ALOXE3: variants seen among roughly 807,000 people sequenced by gnomAD.
ALOXE3 encodes hydroperoxide isomerase ALOXE3.
Under a neutral mutation model 87.5 loss-of-function variants are expected in ALOXE3, and 78 were observed. The ratio of observed to expected loss-of-function variants is 0.89; its 90% confidence interval spans 0.74 to 1.08. The LOEUF (loss-of-function observed/expected upper bound fraction) is 1.08, where lower values mean the gene tolerates loss of function less well. ALOXE3 is among the 50% of genes least tolerant of loss of function. ALOXE3 has a pLI of 0.00. For synonymous variants in ALOXE3, 363 were observed against 370.8 expected (o/e 0.98, Z 0.24); for missense variants, 946 against 912.4 (o/e 1.04, Z -0.47).
intron 5 of ALOXE3, 84 bp from the exon 6 acceptor site, chr17:8,114,693 T>C: frequency 6.3e-7 from 1 of 1,591,490 alleles, no homozygotes; most frequent in Admixed American, 1.7e-5. Flanking sequence ...CTTTCCTGCC[T>C]TCCAAGTCCC....
At chr17:8,106,002 T>C (rs766885761) in intron 13 of ALOXE3, among the ~76,000 whole-genome samples, 13 of 137,826 alleles carry the variant, frequency 9.4e-5, no homozygotes, top group Non-Finnish European at 1.7e-4. Context: ...TAATTGGAGG[T>C]GAGGCTGCAG....
intron 8 of ALOXE3, among the ~76,000 whole-genome samples, chr17:8,110,952 C>T (rs562830296): frequency 2.6e-5 from 4 of 152,230 alleles, no homozygotes; most frequent in Non-Finnish European, 5.9e-5. Context: ...GGGTTAGCCT[C>T]GTCTCCGACA....
intron 13 of ALOXE3, among the ~76,000 whole-genome samples, chr17:8,107,667 C>T (rs180782713): frequency 4.0e-5 from 6 of 151,086 alleles, no homozygotes; most frequent in African/African-American, 7.3e-5. Context: ...GGCGTGGTGG[C>T]GGGTGCCTGT....
intron 15 of ALOXE3, among the ~76,000 whole-genome samples, chr17:8,097,938 A>G (rs8072392): frequency 0.22 from 32,983 of 151,580 alleles, 3,963 homozygotes; most frequent in East Asian, 0.4. Flanking sequence ...TAGTAGAGAC[A>G]GGGTTTCACC....
At chr17:8,115,813 G>T in intron 3 of ALOXE3, 125 bp from the exon 4 acceptor site, 2 of 900,790 alleles carry the variant, frequency 2.2e-6, no homozygotes, top group Non-Finnish European at 1.8e-6. Flanking sequence ...AACACGTGGC[G>T]GTGCCCCCAC....
Position 8,117,956 on chromosome 17 carries a change from G to T in ALOXE3, c.35C>A (p.Pro12His). Reference protein sequence around the residue: ...AVYRLCVTTGPYLRAGTLDNI... With the variant: ...AVYRLCVTTGHYLRAGTLDNI... ...GTCCAGTGTGCCGGCCCTCAGGTAG[G>T]GACCAGTGGTCACACACAGGCGGTA... Residue 12 changes from proline (P) to histidine (H), a missense_variant, in exon 2 of 16, where the codon CCC becomes CAC. Physicochemically the swap from Pro to His is moderately conservative, Grantham distance 77. Coordinates refer to ENST00000448843, the MANE Select transcript of ALOXE3 (RefSeq NM_021628.3). 1 of 1,612,194 alleles carries T rather than the reference G, an allele frequency of 6.2e-7. No individual in the cohort carries two copies. The highest frequency in any genetic ancestry group is 8.5e-7 in the Non-Finnish European group (1 of 1,179,730).
intron 15 of ALOXE3, among the ~76,000 whole-genome samples, chr17:8,100,645 G>A (rs1429928332): frequency 1.3e-5 from 2 of 151,778 alleles, no homozygotes; most frequent in Non-Finnish European, 1.5e-5. Context: ...GTCTTGTTAT[G>A]TGGCCCAGGC....
At chr17:8,107,876 AG>A (rs1247914354) in intron 13 of ALOXE3, among the ~76,000 whole-genome samples, 1 of 4,206 alleles carries the variant, frequency 2.4e-4, no homozygotes, top group Admixed American at 2.4e-3. Context: ...AAAGAAAGAA[AG>A]AAAGAAAGAA....
At chr17:8,115,135 A>G (rs1454955306) in intron 4 of ALOXE3, 78 bp from the exon 5 acceptor site, 1 of 1,577,908 alleles carries the variant, frequency 6.3e-7, no homozygotes, top group Non-Finnish European at 8.7e-7. Context: ...ACACGGCTTC[A>G]GATTAAAACT....
rs761512693 is a variant in ALOXE3, at chr17:8,114,530, A to G, written c.634T>C (p.Tyr212His). The change falls in exon 6 of 16, where the codon TAC becomes CAC. Residue 212 changes from tyrosine (Y) to histidine (H), a missense_variant. Tyr to His is a moderately conservative substitution (Grantham distance 83). Coordinates refer to ENST00000448843, the MANE Select transcript of ALOXE3 (RefSeq NM_021628.3). ...SLMYMEPNVR[Y>H]SATKTISLLF... ...AGCGAGATCGTCTTGGTGGCTGAGT[A>G]TCGAACATTGGGCTCCATGTACATC... The G allele has an allele frequency of 1.2e-6, 2 of 1,613,990 alleles. No individual in the cohort carries two copies. Among genetic ancestry groups the G allele is most frequent in the Non-Finnish European group, 1.7e-6 (2 of 1,179,960 alleles).
At position 8,107,864 on chromosome 17, in the gene ALOXE3, A is replaced by G. The variant is rs1267522092; in HGVS notation, c.1684+604T>C. On this transcript the variant is annotated intron_variant, in intron 13 of 15. Coordinates refer to ENST00000448843, the MANE Select transcript of ALOXE3 (RefSeq NM_021628.3). ...AAGAAAGAAAGAAAGAAAGAAAGAAAGAAAGAAAGAAAGAAAGAAAGAAAG... is the reference window on the plus strand; with the variant it reads ...AAGAAAGAAAGAAAGAAAGAAAGAAGGAAAGAAAGAAAGAAAGAAAGAAAG... Among the ~76,000 whole-genome samples, 18 of 2,886 alleles carry G rather than the reference A, an allele frequency of 6.2e-3. 6 individuals are homozygous for G. The highest frequency in any genetic ancestry group is 0.013 in the Non-Finnish European group (15 of 1,190). The allele number at this position is 2,886 out of a possible 152,430, so 1.9% of individuals were successfully genotyped here. A position where few individuals can be genotyped will look rare whatever the true frequency, so the allele number is the denominator to read the frequency against.
intron 7 of ALOXE3, 105 bp from the exon 8 acceptor site, chr17:8,111,636 A>T: frequency 8.4e-7 from 1 of 1,188,984 alleles, no homozygotes; most frequent in South Asian, 1.3e-5. Context: ...TCTTCCCAAA[A>T]ACTCTATGAG....
At chr17:8,113,381 G>A (rs957368445) in intron 6 of ALOXE3, among the ~76,000 whole-genome samples, 18 of 152,352 alleles carry the variant, frequency 1.2e-4, no homozygotes, top group Admixed American at 6.5e-4. Flanking sequence ...GGCCAGATGC[G>A]GTGGCTCACG....
In ALOXE3 at chr17:8,118,492, T is replaced by C; in HGVS notation, c.-320A>G. The C allele has an allele frequency of 6.5e-7, 1 of 1,543,904 alleles. No homozygotes were observed. Among genetic ancestry groups the C allele is most frequent in the Non-Finnish European group, 8.7e-7 (1 of 1,145,340 alleles). On this transcript the variant is annotated 5_prime_UTR_variant, in exon 1 of 16. Transcript: ENST00000448843. ...AGAGATGAGCACAGGGCACCTGCAT[T>C]CCTACGTGTGAATCATCCGTGTGAA... is the stretch of plus-strand genomic sequence containing the variant.
rs1322691953 is a variant in ALOXE3 at position 8,104,138 on chromosome 17, G to A, written c.1762C>T (p.His588Tyr). The change falls in exon 14 of 16, where the codon CAC becomes TAC. Residue 588 changes from histidine (H) to tyrosine (Y), a missense_variant. Coordinates refer to ENST00000448843, the MANE Select transcript of ALOXE3 (RefSeq NM_021628.3). ...TAIIFNCSAQ[H>Y]AAVNSGQHDF... ...ACCTGCCCACTGTTGACAGCAGCGTGCTGGGCAGAGCAATTGAAGATGATT... is the reference window on the plus strand; with the variant it reads ...ACCTGCCCACTGTTGACAGCAGCGTACTGGGCAGAGCAATTGAAGATGATT... 2 of 1,613,870 alleles carry A rather than the reference G, an allele frequency of 1.2e-6. No homozygotes were observed. Among genetic ancestry groups the A allele is most frequent in the South Asian group, 2.2e-5 (2 of 91,066 alleles).
rs1568001681 is a variant in ALOXE3 at position 8,112,202 on chromosome 17, G to A, written c.681-6C>T. ...GAAGCTTCATTCCCAAGGACCTGAT[G>A]GGAGAGGAAAAGATGAGGGTGAGGT... is the stretch of plus-strand genomic sequence containing the variant. On this transcript the variant is annotated splice_region_variant and splice_polypyrimidine_tract_variant and intron_variant, in intron 6 of 15. Transcript: ENST00000448843. 2 of 1,611,096 alleles carry A rather than the reference G, an allele frequency of 1.2e-6. No individual in the cohort carries two copies. The highest frequency in any genetic ancestry group is 1.7e-6 in the Non-Finnish European group (2 of 1,177,376).
At chr17:8,117,348 A>G (rs1030894600) in intron 2 of ALOXE3, among the ~76,000 whole-genome samples, 5 of 152,182 alleles carry the variant, frequency 3.3e-5, no homozygotes, top group Non-Finnish European at 7.4e-5. Flanking sequence ...TAAACCCGGG[A>G]GGTGGAGGTT....
At chr17:8,115,174 G>T in intron 4 of ALOXE3, 117 bp from the exon 5 acceptor site, 1 of 1,397,402 alleles carries the variant, frequency 7.2e-7, no homozygotes, top group Non-Finnish European at 1.0e-6. Flanking sequence ...CTGGATGAGT[G>T]ACAAGGAATT....
In ALOXE3 at chr17:8,118,435, C is replaced by A. The variant is rs1432929871; in HGVS notation, c.-314+51G>T. 15 of 1,550,700 alleles carry A rather than the reference C, an allele frequency of 9.7e-6. No homozygotes were observed. In the East Asian group the frequency reaches 3.7e-4, roughly 38 times the overall value. On this transcript the variant is annotated intron_variant, in intron 1 of 15. Coordinates refer to ENST00000448843, the MANE Select transcript of ALOXE3 (RefSeq NM_021628.3). ...TGCTTGTCCGCCCACTCCCCAATGT[C>A]CCCCAAGATCTGTTCCTCCCCATTC...
Sources: gnomAD v4.1 joint callset for allele counts (sites outside exome capture counted in the v4.1 genomes callset) on GRCh38, gnomAD v4.1.1 for gene constraint, MANE v1.5 for transcripts, NCBI Gene and HGNC (gene_info 2026-07-23, HGNC 2026-07-21) for gene names.